Variants in FTCDNL1 observed in about 807,000 individuals in gnomAD.
FTCDNL1 encodes formiminotransferase cyclodeaminase N-terminal like.
Under a neutral mutation model 5.9 loss-of-function variants are expected in FTCDNL1, and 11 were observed. The observed-to-expected ratio is 1.87, with a 90% confidence interval of 1.18 to 3.10. The LOEUF (loss-of-function observed/expected upper bound fraction) is 3.10. Ranked by LOEUF, FTCDNL1 falls within the 30% of genes most tolerant of loss-of-function variation. The pLI is 0.00. For synonymous variants in FTCDNL1, 58 were observed against 24.8 expected (o/e 2.34, Z -3.99); for missense variants, 115 against 65.5 (o/e 1.76, Z -2.61).
At chr2:199,676,632 T>C in the FTCDNL1 span, among the ~76,000 whole-genome samples, 1 of 151,976 alleles carries the variant, frequency 6.6e-6, no homozygotes, top group Non-Finnish European at 1.5e-5. Context: ...GAAGTAAAAA[T>C]CAAAGTTCAA....
chr2:199,781,780 T>G (rs553103628), intron 3 of FTCDNL1, among the ~76,000 whole-genome samples: 17 of 151,956 alleles, frequency 1.1e-4, no homozygotes, highest in African/African-American at 4.1e-4. Flanking sequence ...GTTTTTTGTT[T>G]GTTTGTTTGT....
the FTCDNL1 span, among the ~76,000 whole-genome samples, chr2:199,753,773 A>G: frequency 6.6e-6 from 1 of 152,222 alleles, no homozygotes; most frequent in Non-Finnish European, 1.5e-5. Flanking sequence ...GGTAGGTCAG[A>G]GAGAAAGCCA....
the FTCDNL1 span, among the ~76,000 whole-genome samples, chr2:199,696,732 C>T: frequency 6.6e-6 from 1 of 152,102 alleles, no homozygotes; most frequent in African/African-American, 2.4e-5. Context: ...ACTCTGGCAA[C>T]TCAAAAAGCC....
chr2:199,807,322 G>A (rs906536048), downstream of FTCDNL1, among the ~76,000 whole-genome samples: 1 of 152,170 alleles, frequency 6.6e-6, no homozygotes, highest in Non-Finnish European at 1.5e-5. Flanking sequence ...AGAAGTAAGA[G>A]GTGTGTCTGT....
intron 3 of FTCDNL1, among the ~76,000 whole-genome samples, chr2:199,761,093 G>A (rs921830673): frequency 1.1e-4 from 16 of 152,166 alleles, no homozygotes; most frequent in African/African-American, 3.1e-4. Flanking sequence ...TCAGTTAATC[G>A]TTTGAATGTT....
the FTCDNL1 span, among the ~76,000 whole-genome samples, chr2:199,744,630 G>A: frequency 6.6e-6 from 1 of 152,208 alleles, no homozygotes; most frequent in African/African-American, 2.4e-5. Flanking sequence ...CACCCAGTCT[G>A]TGGTATTCTG....
chr2:199,822,640 G>A (rs1701770780), intron 3 of FTCDNL1, among the ~76,000 whole-genome samples: 1 of 152,114 alleles, frequency 6.6e-6, no homozygotes, highest in African/African-American at 2.4e-5. Context: ...CTGTTTGATA[G>A]TATTTTACCC....
chr2:199,778,475 T>C (rs999438920), intron 3 of FTCDNL1, among the ~76,000 whole-genome samples: 2 of 152,134 alleles, frequency 1.3e-5, no homozygotes, highest in African/African-American at 2.4e-5. Flanking sequence ...TGCCCACCAT[T>C]CCAAGGGTCT....
chr2:199,723,861 T>C, the FTCDNL1 span, among the ~76,000 whole-genome samples: 1 of 152,204 alleles, frequency 6.6e-6, no homozygotes, highest in Non-Finnish European at 1.5e-5. Flanking sequence ...TTTGTTTATC[T>C]CTGCCAGGTT....
chr2:199,844,190 T>C (rs2076668034), intron 3 of FTCDNL1, among the ~76,000 whole-genome samples: 1 of 152,022 alleles, frequency 6.6e-6, no homozygotes, highest in African/African-American at 2.4e-5. Context: ...CCCACAACAT[T>C]TAGTGTTCCA....
At chr2:199,849,166 C>T (rs1455242050) in intron 1 of FTCDNL1, among the ~76,000 whole-genome samples, 197 bp from the exon 2 acceptor site, 1 of 152,204 alleles carries the variant, frequency 6.6e-6, no homozygotes, top group Non-Finnish European at 1.5e-5. Flanking sequence ...TGGTCACATA[C>T]ATATAAACCT....
chr2:199,683,254 A>G, the FTCDNL1 span, among the ~76,000 whole-genome samples: 1 of 152,188 alleles, frequency 6.6e-6, no homozygotes, highest in Non-Finnish European at 1.5e-5. Context: ...TGGGATTAAT[A>G]TATTAAAACG....
At chr2:199,783,372 ATACC>A (rs1699467202) in intron 3 of FTCDNL1, among the ~76,000 whole-genome samples, 1 of 152,136 alleles carries the variant, frequency 6.6e-6, no homozygotes, top group African/African-American at 2.4e-5. Context: ...GGGGGGTTGT[ATACC>A]TACTTTAATG....
At chr2:199,669,436 C>T in the FTCDNL1 span, among the ~76,000 whole-genome samples, 1 of 152,172 alleles carries the variant, frequency 6.6e-6, no homozygotes, top group African/African-American at 2.4e-5. Context: ...ACCCTCCCGC[C>T]TCTCCTCATT....
At chr2:199,698,970 C>T in the FTCDNL1 span, among the ~76,000 whole-genome samples, 31 of 152,202 alleles carry the variant, frequency 2.0e-4, no homozygotes, top group African/African-American at 6.7e-4. Context: ...AAAAAATCCT[C>T]GGAGACTATT....
intron 3 of FTCDNL1, among the ~76,000 whole-genome samples, chr2:199,838,126 GCA>G (rs1702882035): frequency 6.6e-6 from 1 of 152,224 alleles, no homozygotes; most frequent in Admixed American, 6.5e-5. Context: ...GCATGTGAAA[GCA>G]CAGAGTGAGG....
the FTCDNL1 span, among the ~76,000 whole-genome samples, chr2:199,730,987 T>C: frequency 8.5e-5 from 13 of 152,190 alleles, no homozygotes; most frequent in Non-Finnish European, 8.8e-5. Flanking sequence ...ATGTGGCACA[T>C]ATACACCATG....
chr2:199,835,254 G>T (rs866688426), intron 3 of FTCDNL1, among the ~76,000 whole-genome samples: 2 of 152,112 alleles, frequency 1.3e-5, no homozygotes, highest in African/African-American at 2.4e-5. Context: ...TCCCCTCAAG[G>T]TAGGTAACTC....
chr2:199,829,504 A>G (rs1702238164), intron 3 of FTCDNL1, among the ~76,000 whole-genome samples: 1 of 152,174 alleles, frequency 6.6e-6, no homozygotes, highest in South Asian at 2.1e-4. Context: ...TGAGAAGTTT[A>G]GGCTTCATAT....
Sources: allele counts gnomAD v4.1 joint callset (sites outside exome capture counted in the v4.1 genomes callset), GRCh38; gene constraint gnomAD v4.1.1; transcripts MANE v1.5; gene names NCBI Gene and HGNC (gene_info 2026-07-23, HGNC 2026-07-21).